Variants in IL11 observed in about 807,000 individuals in gnomAD.
IL11 encodes interleukin 11, also known as interleukin-11.
A neutral mutation model predicts 18.1 loss-of-function variants in IL11; 17 were observed. That is an observed-to-expected ratio of 0.94 (90% CI 0.64 to 1.41). The LOEUF (loss-of-function observed/expected upper bound fraction) is 1.41, where lower values mean the gene tolerates loss of function less well. IL11 is among the 40% of genes most tolerant of loss of function. IL11 has a pLI of 0.00. For synonymous variants in IL11, 144 were observed against 134.1 expected, an observed-to-expected ratio of 1.07 and a Z score of -0.51; for missense variants, 309 against 262.8, an observed-to-expected ratio of 1.18 and a Z score of -1.22.
At chr19:55,368,405 G>A (rs370226560) in intron 3 of IL11, 34 bp from the exon 4 acceptor site, 24 of 1,585,488 alleles carry the variant, frequency 1.5e-5, no homozygotes, top group Admixed American at 3.4e-5. Context: ...GAGAACACCC[G>A]ACCAGTGCCC....
chr19:55,368,611 C>T, intron 2 of IL11, 42 bp from the exon 3 acceptor site: 2 of 1,554,912 alleles, frequency 1.3e-6, no homozygotes, highest in South Asian at 1.2e-5. Context: ...TGCCCAGCCT[C>T]GGGGCTCCCT....
chr19:55,370,358 G>A lies in IL11; in HGVS notation c.-48C>T, dbSNP rs780864150. ...CCCAGGGCAGGGGGCAGGGAGCCGGGGGCCTTTAACCCTTCCCTGTCCGCT... is the reference window on the plus strand; with the variant it reads ...CCCAGGGCAGGGGGCAGGGAGCCGGAGGCCTTTAACCCTTCCCTGTCCGCT... On this transcript the variant is annotated 5_prime_UTR_variant, in exon 1 of 5. Transcript: ENST00000264563. 1.1e-5 allele frequency: 15 copies of A among 1,399,100 alleles called. No individual in the cohort carries two copies. The highest frequency in any genetic ancestry group is 7.5e-6 in the Non-Finnish European group (8 of 1,067,516). The allele number at this position is 1,399,100 out of a possible 1,614,324, so 86.7% of individuals were successfully genotyped here.
Position 55,366,035 on chromosome 19 carries a change from C to A in IL11, c.572G>T (p.Gly191Val), listed in dbSNP as rs751143849. The A allele has an allele frequency of 1.9e-6, 3 of 1,604,044 alleles. No individual in the cohort carries two copies. Among genetic ancestry groups the A allele is most frequent in the Non-Finnish European group, 1.7e-6 (2 of 1,176,422 alleles). The change falls in exon 5 of 5, where the codon GGA becomes GTA. Residue 191 changes from glycine to valine, a missense_variant. By Grantham distance (109) the Gly-to-Val change is moderately radical (BLOSUM62 -3). Coordinates refer to ENST00000264563, the MANE Select transcript of IL11 (RefSeq NM_000641.4). This position sits in a 1 kb window ranked among gnomAD's most constrained non-coding sequence, Gnocchi z 4.6. ...LHLTLDWAVR[G>V]LLLLKTRL Reference sequence around the variant, plus strand: ...CAGCCGAGTCTTCAGCAGCAGCAGTCCCCTCACGGCCCAGTCAAGTGTCAG... The same window carrying A: ...CAGCCGAGTCTTCAGCAGCAGCAGTACCCTCACGGCCCAGTCAAGTGTCAG...
At position 55,366,281 on chromosome 19, in the gene IL11, G is replaced by A. The variant is rs1441901536; in HGVS notation, c.430-104C>T. On this transcript the variant is annotated intron_variant, in intron 4 of 4. Coordinates refer to ENST00000264563, the MANE Select transcript of IL11 (RefSeq NM_000641.4). This position sits in a 1 kb window ranked among gnomAD's most constrained non-coding sequence, Gnocchi z 4.6. ...CTGAATCGGGGCTGCATATTCACAG[G>A]GGGACTGTGGCGCGTGGGGTGAAGT... The A allele has an allele frequency of 1.9e-5, 24 of 1,250,138 alleles. No homozygotes were observed. The highest frequency in any genetic ancestry group is 8.5e-5 in the East Asian group (3 of 35,288). The allele number at this position is 1,250,138 out of a possible 1,614,324, so 77.4% of individuals were successfully genotyped here. A position where few individuals can be genotyped will look rare whatever the true frequency, so the allele number is the denominator to read the frequency against.
Position 55,368,838 on chromosome 19 carries a change from G to T in IL11, c.111C>A (p.Ala37=). The T allele has an allele frequency of 1.3e-6, 2 of 1,589,760 alleles. No individual in the cohort carries two copies. The highest frequency in any genetic ancestry group is 1.7e-6 in the Non-Finnish European group (2 of 1,168,764). ...TCAGGAGCACGGTGCTGTCCAGCTC[G>T]GCCCGAGGGTCTGGGGAAACTCGAG... is the stretch of plus-strand genomic sequence containing the variant. ...GPPRVSPDPR[A]ELDSTVLLTR... is the part of the protein sequence containing the mutation. The change falls in exon 2 of 5, where the codon GCC becomes GCA. Residue 37 remains alanine (A), a synonymous_variant. Coordinates refer to ENST00000264563, the MANE Select transcript of IL11 (RefSeq NM_000641.4).
At position 55,368,225 on chromosome 19, in the gene IL11, G is replaced by T. The variant is rs1426118260; in HGVS notation, c.414C>A (p.Arg138=). ...CAGGACATACCAGGAGCTGCAGCCG[G>T]CGCAGCAGCCGGTCCAGTCGGGCCT... ...TLQARLDRLL[R]RLQLLMSRLA... The change falls in exon 4 of 5, where the codon CGC becomes CGA. Residue 138 remains arginine, a synonymous_variant. Transcript: ENST00000264563. The T allele has an allele frequency of 2.0e-6, 3 of 1,533,974 alleles. No homozygotes were observed. Among genetic ancestry groups the T allele is most frequent in the Admixed American group, 3.9e-5 (2 of 50,692 alleles).
chr19:55,367,870 G>C (rs2089795381), intron 4 of IL11, among the ~76,000 whole-genome samples: 1 of 152,096 alleles, frequency 6.6e-6, no homozygotes, highest in African/African-American at 2.4e-5. Context: ...TAGGGGCTGG[G>C]ATCTGGGGAC....
intron 1 of IL11, among the ~76,000 whole-genome samples, chr19:55,370,074 G>A (rs1430764819): frequency 6.6e-6 from 1 of 152,074 alleles, no homozygotes; most frequent in African/African-American, 2.4e-5. Context: ...GCCCTGTCTG[G>A]CCCGTCCCTC....
Position 55,368,912 on chromosome 19 carries a change from T to C in IL11, c.37A>G (p.Ser13Gly), listed in dbSNP as rs1600285931. The change falls in exon 2 of 5, where the codon AGC (serine) becomes GGC (glycine). Residue 13 changes from serine (S) to glycine (G), a missense_variant. Transcript: ENST00000264563. ...CVCRLVLVVLSLWPDTAVAPG... is the reference protein window; with the variant it reads ...CVCRLVLVVLGLWPDTAVAPG... ...GCGACAGCTGTATCTGGCCACAGGC[T>C]CAGCACGACCAGGACCAGGCGGCAA... 6.5e-7 allele frequency: 1 copy of C among 1,547,534 alleles called. No individual in the cohort carries two copies.
At chr19:55,368,651 C>T in intron 2 of IL11, 82 bp from the exon 3 acceptor site, 1 of 1,483,126 alleles carries the variant, frequency 6.7e-7, no homozygotes, top group Non-Finnish European at 9.2e-7. Context: ...CCCAACTCTT[C>T]CCCTCCCTCA....
rs570078160 is a variant in IL11, at chr19:55,369,596, C to T, written c.8-655G>A. On this transcript the variant is annotated intron_variant, in intron 1 of 4. Transcript: ENST00000264563. This position sits in a 1 kb window ranked among gnomAD's most constrained non-coding sequence, Gnocchi z 6.1. ...GGCAGAGCCATGGGCCCGGCCGGGC[C>T]GCGGGAGCGGGAGAGCTGGCGGCGG... 6.7e-6 allele frequency among the ~76,000 whole-genome samples: 1 copy of T among 148,434 alleles called. No homozygotes were observed. The highest frequency in any genetic ancestry group is 2.0e-4 in the East Asian group (1 of 4,944).
At position 55,369,713 on chromosome 19, in the gene IL11, A is replaced by G. The variant is rs1271199195; in HGVS notation, c.7+591T>C. 3.6e-5 allele frequency among the ~76,000 whole-genome samples: 3 copies of G among 82,342 alleles called. No homozygotes were observed. Among genetic ancestry groups the G allele is most frequent in the Non-Finnish European group, 7.0e-5 (3 of 43,034 alleles). 54.0% of individuals were successfully genotyped at this position (82,342 alleles called of 152,430 possible). On this transcript the variant is annotated intron_variant, in intron 1 of 4. Coordinates refer to ENST00000264563, the MANE Select transcript of IL11 (RefSeq NM_000641.4). The surrounding 1 kb of genome is among the most constrained non-coding windows in gnomAD (Gnocchi z 6.1). Reference sequence around the variant, plus strand: ...CCGCCCACCCGGCCACCCGCCAGCCAATCAGCGCTCCCCGGCCGCCCGCGC... The same window carrying G: ...CCGCCCACCCGGCCACCCGCCAGCCGATCAGCGCTCCCCGGCCGCCCGCGC...
intron 4 of IL11, among the ~76,000 whole-genome samples, chr19:55,367,221 C>T (rs1394864254): frequency 2.0e-5 from 3 of 151,940 alleles, no homozygotes; most frequent in East Asian, 1.9e-4. Flanking sequence ...GTCGTACAGG[C>T]GCAGGCTCAG....
Position 55,365,380 on chromosome 19 carries a change from G to A in IL11, c.*627C>T, listed in dbSNP as rs557804760. Reference sequence around the variant, plus strand: ...ACAAACAAAAGGCCCTATGCAGTGCGGGGCCCCAGGCAAGGCTCAGACCCT... The same window carrying A: ...ACAAACAAAAGGCCCTATGCAGTGCAGGGCCCCAGGCAAGGCTCAGACCCT... On this transcript the variant is annotated 3_prime_UTR_variant, in exon 5 of 5. Coordinates refer to ENST00000264563, the MANE Select transcript of IL11 (RefSeq NM_000641.4). 15 of 154,904 alleles carry A rather than the reference G, an allele frequency of 9.7e-5. No individual in the cohort carries two copies. The South Asian group carries it at 9.9e-4, about 10-fold the overall frequency. 9.6% of individuals were successfully genotyped at this position (154,904 alleles called of 1,614,324 possible).
rs767003312 is a variant in IL11, at chr19:55,366,099, C to T, written c.508G>A (p.Gly170Ser). Reference sequence around the variant, plus strand: ...AGGATGGCGTGGGCGGCCCTGATGCCCCCCCAGGCTGAGGAGGGGGGCGCC... The same window carrying T: ...AGGATGGCGTGGGCGGCCCTGATGCTCCCCCAGGCTGAGGAGGGGGGCGCC... ...PLAPPSSAWG[G>S]IRAAHAILGG... The change falls in exon 5 of 5, where the codon GGC becomes AGC. Residue 170 changes from glycine (G) to serine (S), a missense_variant. By Grantham distance (56) the Gly-to-Ser change is moderately conservative. Transcript: ENST00000264563. The surrounding 1 kb of genome is among the most constrained non-coding windows in gnomAD (Gnocchi z 4.6). 6.4e-7 allele frequency: 1 copy of T among 1,573,632 alleles called. No homozygotes were observed. Among genetic ancestry groups the T allele is most frequent in the Non-Finnish European group, 8.6e-7 (1 of 1,161,420 alleles).
Position 55,369,201 on chromosome 19 carries a change from A to T in IL11, c.8-260T>A. 3.0e-6 allele frequency: 1 copy of T among 333,378 alleles called. No homozygotes were observed. Among genetic ancestry groups the T allele is most frequent in the Non-Finnish European group, 5.5e-6 (1 of 182,872 alleles). The allele number at this position is 333,378 out of a possible 1,614,324, so 20.7% of individuals were successfully genotyped here. A position where few individuals can be genotyped will look rare whatever the true frequency, so the allele number is the denominator to read the frequency against. ...GATGGAGCTGGAGGTCTTAAGTCCC[A>T]GGGTGGAACGCCCGCGGGCAGGTCG... On this transcript the variant is annotated intron_variant, in intron 1 of 4. Coordinates refer to ENST00000264563, the MANE Select transcript of IL11 (RefSeq NM_000641.4). The surrounding 1 kb of genome is among the most constrained non-coding windows in gnomAD (Gnocchi z 6.1).
Position 55,368,947 on chromosome 19 carries a change from G to A in IL11, c.8-6C>T. On this transcript the variant is annotated splice_polypyrimidine_tract_variant and splice_region_variant and intron_variant, in intron 1 of 4. Coordinates refer to ENST00000264563, the MANE Select transcript of IL11 (RefSeq NM_000641.4). ...CAGGACCAGGCGGCAAACACCTGGGGGCAGGATAAGGCAGAGAGCTCAGGC... is the reference window on the plus strand; with the variant it reads ...CAGGACCAGGCGGCAAACACCTGGGAGCAGGATAAGGCAGAGAGCTCAGGC... 6.7e-7 allele frequency: 1 copy of A among 1,486,880 alleles called. No homozygotes were observed. The allele number at this position is 1,486,880 out of a possible 1,614,324, so 92.1% of individuals were successfully genotyped here.
rs1043048650 is a variant in IL11, at chr19:55,365,923, C to T, written c.*84G>A. 6 of 1,538,522 alleles carry T rather than the reference C, an allele frequency of 3.9e-6. No individual in the cohort carries two copies. The African/African-American group carries it at 8.3e-5, about 21-fold the overall frequency. On this transcript the variant is annotated 3_prime_UTR_variant, in exon 5 of 5. Coordinates refer to ENST00000264563, the MANE Select transcript of IL11 (RefSeq NM_000641.4). ...GGGGGAGATAATGGCGGGGGGATCA[C>T]CTGGCTGTTTCGCCCCCAGTACTGA...
Position 55,370,397 on chromosome 19 carries a change from C to T in IL11, c.-87G>A. ...TCCCTGTCCGCTGCCGGGGGAGCCC[C>T]GAGGGTCAGCTGGGCCGCGGCCTGG... is the stretch of plus-strand genomic sequence containing the variant. On this transcript the variant is annotated 5_prime_UTR_variant, in exon 1 of 5. Coordinates refer to ENST00000264563, the MANE Select transcript of IL11 (RefSeq NM_000641.4). 8.3e-7 allele frequency: 1 copy of T among 1,211,902 alleles called. No individual in the cohort carries two copies. Among genetic ancestry groups the T allele is most frequent in the Non-Finnish European group, 1.1e-6 (1 of 921,078 alleles). 75.1% of individuals were successfully genotyped at this position (1,211,902 alleles called of 1,614,324 possible). A position where few individuals can be genotyped will look rare whatever the true frequency, so the allele number is the denominator to read the frequency against.
Sources: gnomAD v4.1 joint callset for allele counts (sites outside exome capture counted in the v4.1 genomes callset) on GRCh38, gnomAD v4.1.1 for gene constraint, Gnocchi (gnomAD v3.1) non-coding constraint, MANE v1.5 for transcripts, NCBI Gene and HGNC (gene_info 2026-07-23, HGNC 2026-07-21) for gene names.